PRDM10: variants seen among roughly 807,000 people sequenced by gnomAD.
The protein encoded by PRDM10 is PR/SET domain 10.
A neutral mutation model predicts 133.1 loss-of-function variants in PRDM10; 65 were observed. The observed-to-expected ratio is 0.49, with a 90% CI of 0.40 to 0.60. The LOEUF (loss-of-function observed/expected upper bound fraction) is 0.60. Ranked by LOEUF, PRDM10 falls within the 20% of genes least tolerant of loss-of-function variation. PRDM10 has a pLI of 0.00. For missense variants in PRDM10, 1,137 were observed against 1,507.1 expected (o/e 0.75, Z 4.07); for synonymous variants, 582 against 580.4 (o/e 1.00, Z -0.04).
chr11:129,967,009 C>T (rs1303385968), intron 1 of PRDM10, among the ~76,000 whole-genome samples: 1 of 152,006 alleles, frequency 6.6e-6, no homozygotes, highest in Non-Finnish European at 1.5e-5. Context: ...CTTTTGTATG[C>T]CAAAGAGTGA....
intron 1 of PRDM10, among the ~76,000 whole-genome samples, chr11:129,964,091 C>T (rs1249571166): frequency 6.6e-6 from 1 of 152,176 alleles, no homozygotes; most frequent in Non-Finnish European, 1.5e-5. Context: ...AGAGACACCA[C>T]AGAAGAGATG....
chr11:129,947,318 C>A lies in PRDM10; in HGVS notation c.347G>T (p.Gly116Val), dbSNP rs1228161160. ...CTGCAGAGTTGCCAAAGGGTCGGAC[C>A]CATCTACACTCTCGATGGAAGGCAG... ...QVLPSIESVDGSDPLATLQTP... is the reference protein window; with the variant it reads ...QVLPSIESVDVSDPLATLQTP... Residue 116 changes from glycine to valine, a missense_variant, in exon 5 of 21, where the codon GGG (glycine) becomes GTG (valine). This residue lies in a region of PRDM10 where 635 missense variants were observed against 835.2 expected (regional missense o/e 0.76). Coordinates refer to ENST00000360871, the MANE Select transcript of PRDM10 (RefSeq NM_199437.2). The surrounding 1 kb of genome is among the most constrained non-coding windows in gnomAD (Gnocchi z 4.6). 6.2e-7 allele frequency: 1 copy of A among 1,613,300 alleles called. No homozygotes were observed. The highest frequency in any genetic ancestry group is 1.3e-5 in the African/African-American group (1 of 74,618).
chr11:129,917,211 T>C lies in PRDM10; in HGVS notation c.2241A>G (p.Pro747=). Residue 747 remains proline (P), a synonymous_variant, in exon 15 of 21, where the codon CCA becomes CCG. Transcript: ENST00000360871. Reference sequence around the variant, plus strand: ...CTGGCACCTCTTCTATCTTCATGTCTGGGTGTCTCTTCGATAAGTGATTTA... The same window carrying C: ...CTGGCACCTCTTCTATCTTCATGTCCGGGTGTCTCTTCGATAAGTGATTTA... ...MLVNHLSKRH[P]DMKIEEVPEL... is the part of the protein sequence containing the mutation. The C allele has an allele frequency of 1.2e-6, 2 of 1,613,418 alleles. No homozygotes were observed. Among genetic ancestry groups the C allele is most frequent in the Non-Finnish European group, 8.5e-7 (1 of 1,179,380 alleles).
rs1949806577 is a variant in PRDM10 at position 129,900,192 on chromosome 11, T to G, written c.*2121A>C. 6.6e-6 allele frequency: 1 copy of G among 152,256 alleles called. No homozygotes were observed. Among genetic ancestry groups the G allele is most frequent in the South Asian group, 2.1e-4 (1 of 4,830 alleles). 9.4% of individuals were successfully genotyped at this position (152,256 alleles called of 1,614,324 possible). On this transcript the variant is annotated 3_prime_UTR_variant, in exon 21 of 21. Transcript: ENST00000360871. The stretch of plus-strand genomic sequence containing the variant: ...CTGATGGCTCATCATTTGCCATCTC[T>G]TCAAATCCAGGTCCTTTTAAAAATC...
chr11:129,957,031 A>G (rs1318371286), intron 3 of PRDM10, among the ~76,000 whole-genome samples: 1 of 152,264 alleles, frequency 6.6e-6, no homozygotes, highest in Non-Finnish European at 1.5e-5. Context: ...GCCTTTTGGC[A>G]GTAAACATCT....
At chr11:129,964,237 C>G (rs1436040663) in intron 1 of PRDM10, among the ~76,000 whole-genome samples, 1 of 152,162 alleles carries the variant, frequency 6.6e-6, no homozygotes, top group Non-Finnish European at 1.5e-5. Context: ...CATGCCCTCA[C>G]AAAACACACA....
intron 1 of PRDM10, among the ~76,000 whole-genome samples, chr11:129,973,745 G>A (rs1937624560): frequency 6.6e-6 from 1 of 152,040 alleles, no homozygotes; most frequent in Non-Finnish European, 1.5e-5. Context: ...GAGATGAAAC[G>A]ATTTTTTAAA....
intron 2 of PRDM10, among the ~76,000 whole-genome samples, chr11:129,959,638 T>C (rs989686396): frequency 1.3e-5 from 2 of 152,182 alleles, no homozygotes; most frequent in African/African-American, 4.8e-5. Flanking sequence ...GAACTACAAT[T>C]TTATTTATAA....
intron 4 of PRDM10, among the ~76,000 whole-genome samples, chr11:129,949,827 G>A (rs943914846): frequency 2.1e-4 from 32 of 151,858 alleles, no homozygotes; most frequent in African/African-American, 6.3e-4. Flanking sequence ...CCAGCTACTC[G>A]GGAGCCTGAG....
intron 1 of PRDM10, among the ~76,000 whole-genome samples, chr11:129,975,053 A>G (rs1343272698): frequency 6.6e-6 from 1 of 152,170 alleles, no homozygotes; most frequent in Non-Finnish European, 1.5e-5. Flanking sequence ...ATGGGGATGG[A>G]GTTTCCTTGG....
At chr11:129,965,749 AT>A (rs915370017) in intron 1 of PRDM10, among the ~76,000 whole-genome samples, 7 of 120,502 alleles carry the variant, frequency 5.8e-5, no homozygotes, top group African/African-American at 3.7e-5. Flanking sequence ...AAAAAAAAAA[AT>A]ATATATATAC....
At chr11:129,994,753 G>A (rs1215689917) in intron 1 of PRDM10, among the ~76,000 whole-genome samples, 1 of 151,976 alleles carries the variant, frequency 6.6e-6, no homozygotes, top group Non-Finnish European at 1.5e-5. Flanking sequence ...CTGGGTTCAT[G>A]CCATTCTCCT....
chr11:129,985,578 G>A (rs553170276), intron 1 of PRDM10, among the ~76,000 whole-genome samples: 2 of 151,706 alleles, frequency 1.3e-5, no homozygotes, highest in South Asian at 4.2e-4. Flanking sequence ...GACTGCTTGA[G>A]CTCAGGCGTT....
At chr11:129,966,240 A>G (rs545229430) in intron 1 of PRDM10, among the ~76,000 whole-genome samples, 2 of 152,292 alleles carry the variant, frequency 1.3e-5, no homozygotes, top group East Asian at 3.9e-4. Context: ...GGGAGACTCC[A>G]TCTCAAAACA....
intron 15 of PRDM10, 113 bp from the exon 16 acceptor site, chr11:129,915,973 A>G (rs1430841119): frequency 7.4e-6 from 7 of 950,956 alleles, no homozygotes; most frequent in African/African-American, 5.0e-5. Context: ...TGTAGCCCCA[A>G]ATAAAATATA....
intron 1 of PRDM10, among the ~76,000 whole-genome samples, chr11:129,998,068 A>G (rs1257703028): frequency 6.6e-6 from 1 of 152,260 alleles, no homozygotes; most frequent in Non-Finnish European, 1.5e-5. Flanking sequence ...ACATAGTTTA[A>G]AAGTAGAAAC....
In PRDM10 at chr11:129,941,665, T is replaced by A. The variant is rs543799097; in HGVS notation, c.966+761A>T. Among the ~76,000 whole-genome samples the A allele has an allele frequency of 1.7e-3, 259 of 152,358 alleles. 1 individual carries two copies. Among genetic ancestry groups the A allele is most frequent in the Non-Finnish European group, 2.8e-3 (193 of 68,030 alleles). The stretch of plus-strand genomic sequence containing the variant: ...GAGTGCCCATACAGCCATTCTGCTT[T>A]TCACTTTCAGTACAGTATTCAATAC... On this transcript the variant is annotated intron_variant, in intron 7 of 20. Coordinates refer to ENST00000360871, the MANE Select transcript of PRDM10 (RefSeq NM_199437.2).
intron 11 of PRDM10, among the ~76,000 whole-genome samples, chr11:129,929,754 TCC>T (rs1491388010): frequency 7.5e-6 from 1 of 134,212 alleles, no homozygotes; most frequent in Non-Finnish European, 1.6e-5. Context: ...TTTTTTTCCT[TCC>T]AAAAAAAAAA....
chr11:129,987,212 C>G (rs1374331921), intron 1 of PRDM10, among the ~76,000 whole-genome samples: 1 of 152,156 alleles, frequency 6.6e-6, no homozygotes, highest in Admixed American at 6.6e-5. Context: ...GATCTATATC[C>G]TTTATTGTTT....
Sources: allele counts gnomAD v4.1 joint callset (sites outside exome capture counted in the v4.1 genomes callset), GRCh38; gene constraint gnomAD v4.1.1; regional missense constraint gnomAD v4.1.1; non-coding constraint Gnocchi (gnomAD v3.1); transcripts MANE v1.5; gene names NCBI Gene and HGNC (gene_info 2026-07-23, HGNC 2026-07-21).